SENP6: variants seen among roughly 807,000 people sequenced by gnomAD.
The protein encoded by SENP6 is SUMO specific peptidase 6.
A neutral mutation model predicts 134.5 loss-of-function variants in SENP6; 41 were observed. The observed-to-expected ratio is 0.30, with a 90% CI of 0.24 to 0.40. SENP6 has a LOEUF of 0.40. SENP6 is among the 10% of genes least tolerant of loss of function. The pLI, the probability that SENP6 is intolerant of heterozygous loss-of-function variation, is 1.00. For missense variants in SENP6, 1,248 were observed against 1,312.5 expected, an observed-to-expected ratio of 0.95 and a Z score of 0.76; for synonymous variants, 395 against 429.8, an observed-to-expected ratio of 0.92 and a Z score of 1.00.
At position 75,633,647 on chromosome 6, in the gene SENP6, C is replaced by G; in HGVS notation, c.274C>G (p.Arg92Gly). 1 of 1,611,434 alleles carries G rather than the reference C, an allele frequency of 6.2e-7. No homozygotes were observed. The highest frequency in any genetic ancestry group is 1.1e-5 in the South Asian group (1 of 90,690). ...ATTCATCTTGAAGACATATGTAAGA[C>G]GAAACAAGTCTGAAAGTTTTAAAAC... ...GEFILKTYVR[R>G]NKSESFKTLK... Residue 92 changes from arginine to glycine, a missense_variant, in exon 4 of 24, where the codon CGA becomes GGA. Physicochemically the swap from Arg to Gly is moderately radical, Grantham distance 125. This residue lies in a region of SENP6 where 733 missense variants were observed against 725.4 expected (regional missense o/e 1.01). Coordinates refer to ENST00000447266, the MANE Select transcript of SENP6 (RefSeq NM_015571.4).
chr6:75,693,467 C>T (rs1774437017), intron 16 of SENP6, among the ~76,000 whole-genome samples: 1 of 150,142 alleles, frequency 6.7e-6, no homozygotes, highest in East Asian at 1.9e-4. Context: ...CAGCAAAAGT[C>T]TCATGGTTCA....
At chr6:75,647,628 T>C (rs1770556506) in intron 6 of SENP6, 103 bp from the exon 7 acceptor site, 2 of 603,286 alleles carry the variant, frequency 3.3e-6, no homozygotes, top group African/African-American at 3.8e-5. Flanking sequence ...GCAAAGAAGC[T>C]ATGATTTGCT....
chr6:75,673,384 C>T (rs935290978), intron 11 of SENP6, among the ~76,000 whole-genome samples: 2 of 135,228 alleles, frequency 1.5e-5, no homozygotes, highest in African/African-American at 2.8e-5. Flanking sequence ...AGTGCAGTGG[C>T]GCAATCTTGG....
At chr6:75,616,950 A>G (rs1446153446) in intron 1 of SENP6, among the ~76,000 whole-genome samples, 2 of 151,506 alleles carry the variant, frequency 1.3e-5, no homozygotes, top group Admixed American at 1.3e-4. Context: ...TGCAGCCTCA[A>G]CCTCCCAGGC....
intron 5 of SENP6, among the ~76,000 whole-genome samples, chr6:75,635,401 T>A (rs762136182): frequency 3.9e-5 from 6 of 152,180 alleles, no homozygotes; most frequent in Non-Finnish European, 8.8e-5. Context: ...ATAATTTGTT[T>A]ATTGCATTAT....
chr6:75,712,260 T>C (rs1439704180), intron 21 of SENP6, among the ~76,000 whole-genome samples: 4 of 152,202 alleles, frequency 2.6e-5, no homozygotes, highest in Non-Finnish European at 5.9e-5. Context: ...TGACTTTTTT[T>C]TATAGAAAAT....
rs796549538 is a variant in SENP6, at chr6:75,652,696, A to AAAAAAAAAAAAAAAAAAAAAAAG, written c.550+4902_550+4903insAAAAAAAAAAAAAAAGAAAAAAA. ...TACTAAAAATCTCAAAAAAAAAAAA[A>AAAAAAAAAAAAAAAAAAAAAAAG]AAAAAAAGAAAAAGAAAAAAAATGC... On this transcript the variant is annotated intron_variant, in intron 7 of 23. Coordinates refer to ENST00000447266, the MANE Select transcript of SENP6 (RefSeq NM_015571.4). Among the ~76,000 whole-genome samples, 5 of 148,714 alleles carry AAAAAAAAAAAAAAAAAAAAAAAG rather than the reference A, an allele frequency of 3.4e-5. No homozygotes were observed. In the East Asian group the frequency reaches 8.4e-4, roughly 25 times the overall value.
chr6:75,686,641 C>T lies in SENP6; in HGVS notation c.2075+7714C>T, dbSNP rs540214408. Among the ~76,000 whole-genome samples the T allele has an allele frequency of 2.0e-5, 3 of 152,204 alleles. No homozygotes were observed. The South Asian group carries it at 6.3e-4, about 32-fold the overall frequency. ...GCTTTGTCTGTAAAGTATTTTATTT[C>T]TCCTTCACTTATGAAGCTTAGTTTG... is the stretch of plus-strand genomic sequence containing the variant. On this transcript the variant is annotated intron_variant, in intron 16 of 23. Transcript: ENST00000447266.
intron 10 of SENP6, among the ~76,000 whole-genome samples, chr6:75,667,456 G>A (rs868749229): frequency 1.3e-5 from 2 of 151,820 alleles, no homozygotes; most frequent in African/African-American, 4.8e-5. Flanking sequence ...AATGAACAAA[G>A]GATAAGAATG....
chr6:75,637,837 G>C (rs1769643418), intron 5 of SENP6, among the ~76,000 whole-genome samples: 1 of 152,038 alleles, frequency 6.6e-6, no homozygotes, highest in Non-Finnish European at 1.5e-5. Context: ...TTAATTATTA[G>C]TGAAAAGCAC....
intron 16 of SENP6, among the ~76,000 whole-genome samples, chr6:75,680,527 G>A (rs1773393006): frequency 6.6e-6 from 1 of 152,152 alleles, no homozygotes; most frequent in Non-Finnish European, 1.5e-5. Context: ...AGGCTCCCAT[G>A]AATAATTTCC....
At chr6:75,702,421 T>C (rs1384447144) in intron 18 of SENP6, among the ~76,000 whole-genome samples, 1 of 152,058 alleles carries the variant, frequency 6.6e-6, no homozygotes, top group East Asian at 1.9e-4. Flanking sequence ...TTTTGCCATG[T>C]TGGCTAGGCT....
rs779246764 is a variant in SENP6, at chr6:75,680,640, GCTAA to G, written c.2075+1718_2075+1721del. ...ATAGCAGAGATCAAGGCAGATAAGGGCTAACTAAGTATAATTTTGAGTTCACAAT... is the reference window on the plus strand; with the variant it reads ...ATAGCAGAGATCAAGGCAGATAAGGGCTAAGTATAATTTTGAGTTCACAAT... On this transcript the variant is annotated intron_variant, in intron 16 of 23. Coordinates refer to ENST00000447266, the MANE Select transcript of SENP6 (RefSeq NM_015571.4). Among the ~76,000 whole-genome samples the G allele has an allele frequency of 7.2e-5, 11 of 152,208 alleles. No homozygotes were observed. The South Asian group carries it at 8.3e-4, about 11-fold the overall frequency.
At chr6:75,699,787 G>A (rs903496124) in intron 18 of SENP6, among the ~76,000 whole-genome samples, 15 of 152,052 alleles carry the variant, frequency 9.9e-5, no homozygotes, top group African/African-American at 3.4e-4. Context: ...ACTGTACCTG[G>A]CCCTAATTTT....
chr6:75,633,576 T>C lies in SENP6; in HGVS notation c.208-5T>C, dbSNP rs1185641216. 3 of 1,584,248 alleles carry C rather than the reference T, an allele frequency of 1.9e-6. No individual in the cohort carries two copies. In the Admixed American group the frequency reaches 5.8e-5, roughly 31 times the overall value. On this transcript the variant is annotated splice_polypyrimidine_tract_variant and splice_region_variant and intron_variant, in intron 3 of 23. Transcript: ENST00000447266. ...TGACTCATATTTCTGGATCTTTTTTTACAGTTAAATCGTCGATCTGAAATT... is the reference window on the plus strand; with the variant it reads ...TGACTCATATTTCTGGATCTTTTTTCACAGTTAAATCGTCGATCTGAAATT...
intron 8 of SENP6, 62 bp from the exon 9 acceptor site, chr6:75,663,159 A>C: frequency 6.8e-7 from 1 of 1,469,682 alleles, no homozygotes. Context: ...GAATGTTCAA[A>C]ATGTGGAAAG....
chr6:75,605,921 G>A (rs1766995316), intron 1 of SENP6, among the ~76,000 whole-genome samples: 1 of 152,194 alleles, frequency 6.6e-6, no homozygotes, highest in African/African-American at 2.4e-5. Flanking sequence ...CATGATGTCA[G>A]TGGAGACTGG....
chr6:75,617,273 T>C (rs1767927871), intron 1 of SENP6, among the ~76,000 whole-genome samples: 1 of 128,830 alleles, frequency 7.8e-6, no homozygotes, highest in African/African-American at 3.0e-5. Context: ...CTTTTTTTTT[T>C]TTTTTTTTTT....
chr6:75,630,963 C>A (rs1467761491), intron 3 of SENP6, among the ~76,000 whole-genome samples: 1 of 151,380 alleles, frequency 6.6e-6, no homozygotes, highest in African/African-American at 2.4e-5. Context: ...TTCTTTAGCT[C>A]TATCTTCCAA....
Sources: allele counts gnomAD v4.1 joint callset (sites outside exome capture counted in the v4.1 genomes callset), GRCh38; gene constraint gnomAD v4.1.1; regional missense constraint gnomAD v4.1.1; transcripts MANE v1.5; gene names NCBI Gene and HGNC (gene_info 2026-07-23, HGNC 2026-07-21).